The following VTA1 variants were observed in gnomAD, a reference collection of about 807,000 sequenced individuals.
The protein encoded by VTA1 is vesicle trafficking 1, also known as vacuolar protein sorting-associated protein VTA1 homolog.
A neutral mutation model predicts 36.9 loss-of-function variants in VTA1; 24 were observed. The ratio of observed to expected loss-of-function variants is 0.65; its 90% CI spans 0.47 to 0.91. VTA1 has a LOEUF of 0.91. Among genes scored for constraint, VTA1 ranks in the 40% least tolerant of loss-of-function variants. VTA1 has a pLI of 0.00. For missense variants in VTA1, 393 were observed against 377.2 expected (o/e 1.04, Z -0.35); for synonymous variants, 142 against 130.2 (o/e 1.09, Z -0.62).
rs1487572512 is a variant in VTA1 at position 142,219,316 on chromosome 6, A to G, written c.*673A>G. The G allele has an allele frequency of 6.6e-6, 1 of 152,212 alleles. No homozygotes were observed. The highest frequency in any genetic ancestry group is 2.4e-5 in the African/African-American group (1 of 41,464). The allele number at this position is 152,212 out of a possible 1,614,324, so 9.4% of individuals were successfully genotyped here. A position where few individuals can be genotyped will look rare whatever the true frequency, so the allele number is the denominator to read the frequency against. ...TTTACCTTATCTGTTAAAGCGTAAG[A>G]TGAATTGGTATTTGCTTCATAGGCA... is the stretch of plus-strand genomic sequence containing the variant. On this transcript the variant is annotated 3_prime_UTR_variant, in exon 8 of 8. Transcript: ENST00000367630.
intron 1 of VTA1, among the ~76,000 whole-genome samples, chr6:142,163,352 C>T (rs1467011867): frequency 6.6e-6 from 1 of 152,066 alleles, no homozygotes; most frequent in Non-Finnish European, 1.5e-5. Flanking sequence ...GTCATTCCCC[C>T]TTTTATGGAG....
chr6:142,181,094 A>AAAAAAAAAT (rs1471429927), intron 4 of VTA1, among the ~76,000 whole-genome samples: 2 of 36,424 alleles, frequency 5.5e-5, no homozygotes, highest in African/African-American at 1.5e-4. Flanking sequence ...AAAAAAAAAA[A>AAAAAAAAAT]ATATATATAT....
intron 5 of VTA1, among the ~76,000 whole-genome samples, chr6:142,194,065 G>A (rs1775500687): frequency 3.9e-5 from 6 of 152,056 alleles, no homozygotes; most frequent in Admixed American, 3.9e-4. Flanking sequence ...TAAAGGTCCA[G>A]TGATATGGGG....
intron 4 of VTA1, among the ~76,000 whole-genome samples, chr6:142,189,117 C>T (rs888376943): frequency 5.3e-5 from 8 of 151,862 alleles, no homozygotes; most frequent in African/African-American, 1.9e-4. Context: ...CTATTTCTCC[C>T]CTGTGCAGAA....
chr6:142,164,653 ACTTTGTTATAAAGCT>A (rs1393977771), intron 1 of VTA1, among the ~76,000 whole-genome samples: 4 of 152,188 alleles, frequency 2.6e-5, no homozygotes, highest in Non-Finnish European at 4.4e-5. Context: ...CAGATATTCA[ACTTTGTTATAAAGCT>A]CTAGTAAATT....
Position 142,210,128 on chromosome 6 carries a change from C to T in VTA1, c.778+6063C>T, listed in dbSNP as rs75840730. Among the ~76,000 whole-genome samples the T allele has an allele frequency of 6.8e-3, 1,035 of 152,244 alleles. 17 individuals are homozygous for T. Among genetic ancestry groups the T allele is most frequent in the African/African-American group, 0.024 (989 of 41,550 alleles). On this transcript the variant is annotated intron_variant, in intron 7 of 7. Transcript: ENST00000367630. The stretch of plus-strand genomic sequence containing the variant: ...TATACATTTATGCATTTACAACCAA[C>T]TTATTTTTGACAAAGATGCCGAGAA...
At chr6:142,198,361 G>A in intron 5 of VTA1, 78 bp from the exon 6 acceptor site, 2 of 1,348,416 alleles carry the variant, frequency 1.5e-6, no homozygotes, top group Non-Finnish European at 2.0e-6. Context: ...CATTTGTCAT[G>A]TGTATAATGA....
At chr6:142,152,148 T>G (rs1358469614) in intron 1 of VTA1, among the ~76,000 whole-genome samples, 1 of 152,132 alleles carries the variant, frequency 6.6e-6, no homozygotes, top group African/African-American at 2.4e-5. Context: ...AACAAGTATT[T>G]CAAGTTTTCC....
At chr6:142,186,007 C>G (rs1312240518) in intron 4 of VTA1, among the ~76,000 whole-genome samples, 1 of 152,100 alleles carries the variant, frequency 6.6e-6, no homozygotes, top group Non-Finnish European at 1.5e-5. Context: ...GACACTTTGT[C>G]AGCATCCTTA....
intron 1 of VTA1, among the ~76,000 whole-genome samples, chr6:142,149,267 T>G (rs747754815): frequency 6.6e-6 from 1 of 152,196 alleles, no homozygotes; most frequent in Non-Finnish European, 1.5e-5. Flanking sequence ...TCATCAGGCT[T>G]ATGAAGAAAT....
intron 6 of VTA1, among the ~76,000 whole-genome samples, chr6:142,202,056 A>G (rs1253234340): frequency 6.6e-6 from 1 of 151,948 alleles, no homozygotes; most frequent in Non-Finnish European, 1.5e-5. Flanking sequence ...TAAGATGTAT[A>G]TGAATGATAT....
At chr6:142,161,585 A>G in intron 1 of VTA1, among the ~76,000 whole-genome samples, 1 of 152,196 alleles carries the variant, frequency 6.6e-6, no homozygotes. Context: ...TCATCATCAA[A>G]TAATATTTAT....
intron 6 of VTA1, among the ~76,000 whole-genome samples, chr6:142,203,562 T>TA (rs1198316851): frequency 6.6e-6 from 1 of 152,114 alleles, no homozygotes; most frequent in African/African-American, 2.4e-5. Flanking sequence ...AAAAATATCT[T>TA]AAAATGTGTA....
chr6:142,156,365 A>T (rs1433313028), intron 1 of VTA1, among the ~76,000 whole-genome samples: 1 of 152,198 alleles, frequency 6.6e-6, no homozygotes, highest in Non-Finnish European at 1.5e-5. Flanking sequence ...CCAGTGAAAA[A>T]ATCTCGGAGA....
At chr6:142,177,486 T>G (rs1370916902) in intron 4 of VTA1, among the ~76,000 whole-genome samples, 1 of 152,176 alleles carries the variant, frequency 6.6e-6, no homozygotes, top group East Asian at 1.9e-4. Context: ...ATGTAAGTGC[T>G]TTAAAAAAAT....
At chr6:142,173,230 T>A (rs1775059921) in intron 4 of VTA1, among the ~76,000 whole-genome samples, 1 of 152,178 alleles carries the variant, frequency 6.6e-6, no homozygotes, top group African/African-American at 2.4e-5. Context: ...TGGATTGTTT[T>A]GAATGAGAGA....
chr6:142,178,402 G>T (rs1173495964), intron 4 of VTA1, among the ~76,000 whole-genome samples: 2 of 152,038 alleles, frequency 1.3e-5, no homozygotes. Flanking sequence ...ACATTTTTAG[G>T]CAAGTTAATT....
Position 142,170,373 on chromosome 6 carries a change from A to C in VTA1, c.363A>C (p.Ala121=), listed in dbSNP as rs749410880. The change falls in exon 4 of 8, where the codon GCA becomes GCC. Residue 121 remains alanine, a synonymous_variant. Transcript: ENST00000367630. The part of the protein sequence containing the change: ...HKNMIKSFYT[A]SLLIDVITVF... The stretch of plus-strand genomic sequence containing the variant: ...ACATGATCAAGTCCTTCTATACTGC[A>C]AGTCTTTTGATAGATGTCATAACAG... 5.0e-6 allele frequency: 8 copies of C among 1,608,906 alleles called. No individual in the cohort carries two copies. The highest frequency in any genetic ancestry group is 6.8e-6 in the Non-Finnish European group (8 of 1,177,842).
At chr6:142,209,562 C>T (rs9885758) in intron 7 of VTA1, among the ~76,000 whole-genome samples, 31 of 143,596 alleles carry the variant, frequency 2.2e-4, no homozygotes, top group African/African-American at 7.7e-4. Context: ...ATATTAATAA[C>T]TAAGAAAAAC....
Sources: gnomAD v4.1 joint callset for allele counts (sites outside exome capture counted in the v4.1 genomes callset) on GRCh38, gnomAD v4.1.1 for gene constraint, MANE v1.5 for transcripts, NCBI Gene and HGNC (gene_info 2026-07-23, HGNC 2026-07-21) for gene names.